ADORA1: variants seen among roughly 807,000 people sequenced by gnomAD.
The protein encoded by ADORA1 is adenosine receptor A1.
Under a neutral mutation model 19.9 loss-of-function variants are expected in ADORA1, and 6 were observed. The observed-to-expected ratio is 0.30, with a 90% CI of 0.17 to 0.59. The LOEUF is 0.59. Among genes scored for constraint, ADORA1 ranks in the 20% least tolerant of loss-of-function variants. The pLI, the probability that ADORA1 is intolerant of heterozygous loss-of-function variation, is 0.87. For synonymous variants in ADORA1, 194 were observed against 188.4 expected (o/e 1.03, Z -0.24); for missense variants, 302 against 439.2 (o/e 0.69, Z 2.79).
rs1654257601 is a variant in ADORA1 at position 203,129,273 on chromosome 1, C to T, written c.341+91C>T. The T allele has an allele frequency of 1.8e-5, 27 of 1,508,698 alleles. No individual in the cohort carries two copies. The South Asian group carries it at 3.1e-4, about 17-fold the overall frequency. The allele number at this position is 1,508,698 out of a possible 1,614,324, so 93.5% of individuals were successfully genotyped here. On this transcript the variant is annotated intron_variant, in intron 3 of 3. Transcript: ENST00000337894. ...AGGAAAAAAGGTAGAGCATAAGACC[C>T]CAAGTAAGCCAGATGTTCTTTGGGC...
rs542059266 is a variant in ADORA1 at position 203,165,254 on chromosome 1, C to T, written c.342-7C>T. On this transcript the variant is annotated splice_polypyrimidine_tract_variant and splice_region_variant and intron_variant, in intron 3 of 3. Coordinates refer to ENST00000337894, the MANE Select transcript of ADORA1 (RefSeq NM_000674.3). This position sits in a 1 kb window ranked among gnomAD's most constrained non-coding sequence, Gnocchi z 5.9. The stretch of plus-strand genomic sequence containing the variant: ...AGATCCTCACACTCTGCCCTCCTCT[C>T]CCCCAGGTACAAGATGGTGGTGACC... 5.7e-6 allele frequency: 9 copies of T among 1,591,526 alleles called. No homozygotes were observed. The South Asian group carries it at 8.0e-5, about 14-fold the overall frequency.
chr1:203,143,515 G>T lies in ADORA1; in HGVS notation c.341+14333G>T, dbSNP rs577192805. On this transcript the variant is annotated intron_variant, in intron 3 of 3. Transcript: ENST00000337894. ...ACAGTGGCTTCAGGTTCTTAGTGGG[G>T]TGTGTGTATTCACATATGCACACCT... Among the ~76,000 whole-genome samples the T allele has an allele frequency of 1.2e-3, 187 of 151,762 alleles. 1 individual carries two copies. Among genetic ancestry groups the T allele is most frequent in the African/African-American group, 4.4e-3 (181 of 41,148 alleles).
chr1:203,146,575 G>T (rs1464047214), intron 3 of ADORA1, among the ~76,000 whole-genome samples: 1 of 151,044 alleles, frequency 6.6e-6, no homozygotes, highest in African/African-American at 2.4e-5. Context: ...GCTACGGTGG[G>T]CCATGAGTGC....
At chr1:203,146,622 G>T (rs1473185275) in intron 3 of ADORA1, among the ~76,000 whole-genome samples, 2 of 137,088 alleles carry the variant, frequency 1.5e-5, no homozygotes, top group Non-Finnish European at 3.2e-5. Flanking sequence ...ATGAAAGCCT[G>T]TCTCAAAAAA....
chr1:203,148,776 C>T (rs1654939847), intron 3 of ADORA1, among the ~76,000 whole-genome samples: 1 of 152,212 alleles, frequency 6.6e-6, no homozygotes, highest in South Asian at 2.1e-4. Context: ...CCCACGTGCC[C>T]TCTGTGCCAC....
intron 3 of ADORA1, chr1:203,150,644 G>A (rs1394340510): frequency 7.8e-7 from 1 of 1,289,714 alleles, no homozygotes; most frequent in East Asian, 5.5e-5. Context: ...CCCAAAAGTG[G>A]TGTCTTCTTG....
At chr1:203,134,786 A>G (rs1182218985) in intron 3 of ADORA1, among the ~76,000 whole-genome samples, 1 of 152,088 alleles carries the variant, frequency 6.6e-6, no homozygotes, top group Admixed American at 6.5e-5. Context: ...GTTCCAGAAA[A>G]TTTTTCCACA....
rs151128165 is a variant in ADORA1 at position 203,137,136 on chromosome 1, G to A, written c.341+7954G>A. ...GGAGAAAGGGTTGCAACTTTAAATAGGGTGGTCCGTGAGGCTTTACTGAGA... is the reference window on the plus strand; with the variant it reads ...GGAGAAAGGGTTGCAACTTTAAATAAGGTGGTCCGTGAGGCTTTACTGAGA... On this transcript the variant is annotated intron_variant, in intron 3 of 3. Transcript: ENST00000337894. 1.7e-3 allele frequency among the ~76,000 whole-genome samples: 263 copies of A among 152,300 alleles called. 2 individuals are homozygous for A. Among genetic ancestry groups the A allele is most frequent in the African/African-American group, 5.8e-3 (239 of 41,556 alleles).
intron 3 of ADORA1, among the ~76,000 whole-genome samples, chr1:203,147,157 T>C (rs1394255237): frequency 1.3e-5 from 2 of 152,212 alleles, no homozygotes; most frequent in East Asian, 1.9e-4. Context: ...CCACAGAACC[T>C]GCTCTTCTTC....
At chr1:203,164,950 T>C (rs1165542378) in intron 3 of ADORA1, 14 of 1,301,656 alleles carry the variant, frequency 1.1e-5, no homozygotes, top group African/African-American at 1.5e-5. Context: ...GCTGAGCACA[T>C]GGGAGCAATT....
intron 3 of ADORA1, among the ~76,000 whole-genome samples, chr1:203,153,398 C>T (rs1410113403): frequency 6.6e-6 from 1 of 152,214 alleles, no homozygotes; most frequent in African/African-American, 2.4e-5. Flanking sequence ...TACTGAGTCA[C>T]ACACAGGAAC....
intron 3 of ADORA1, among the ~76,000 whole-genome samples, chr1:203,148,522 C>T (rs1654931918): frequency 6.6e-6 from 1 of 152,218 alleles, no homozygotes; most frequent in Admixed American, 6.5e-5. Flanking sequence ...TCCTCTAATG[C>T]TGTCACAGTG....
chr1:203,133,818 G>C (rs964449026), intron 3 of ADORA1, among the ~76,000 whole-genome samples: 1 of 152,230 alleles, frequency 6.6e-6, no homozygotes, highest in African/African-American at 2.4e-5. Context: ...GGCGTGCTGA[G>C]CCAGAGTGGG....
intron 3 of ADORA1, among the ~76,000 whole-genome samples, chr1:203,145,296 T>C (rs909581223): frequency 1.3e-5 from 2 of 152,218 alleles, no homozygotes; most frequent in Admixed American, 6.5e-5. Flanking sequence ...TCCCCCAATC[T>C]GCCCAGCACA....
chr1:203,158,022 C>G (rs900824753), intron 3 of ADORA1, among the ~76,000 whole-genome samples: 19 of 152,338 alleles, frequency 1.2e-4, no homozygotes, highest in African/African-American at 4.3e-4. Flanking sequence ...ATATTATTCT[C>G]TTTAGCAAAT....
chr1:203,129,213 C>A, intron 3 of ADORA1, 31 bp downstream of exon 3: 1 of 1,579,748 alleles, frequency 6.3e-7, no homozygotes, highest in South Asian at 1.2e-5. Flanking sequence ...GTACTCGCAG[C>A]ACCACATGAT....
At chr1:203,152,416 G>A (rs1655066718) in intron 3 of ADORA1, 1 of 152,300 alleles carries the variant, frequency 6.6e-6, no homozygotes, top group Admixed American at 6.5e-5. Context: ...GACCAGAGAG[G>A]CCTATGGGAA....
chr1:203,133,116 C>CTT (rs1244047119), intron 3 of ADORA1, among the ~76,000 whole-genome samples: 71 of 140,938 alleles, frequency 5.0e-4, no homozygotes, highest in African/African-American at 1.5e-3. Context: ...ATAGACAATT[C>CTT]TTTTTTTTTT....
At chr1:203,131,266 G>A (rs551982079) in intron 3 of ADORA1, among the ~76,000 whole-genome samples, 2 of 152,212 alleles carry the variant, frequency 1.3e-5, no homozygotes, top group African/African-American at 2.4e-5. Flanking sequence ...GAAGAAACAC[G>A]CACACAAACA....
Sources: gnomAD v4.1 joint callset for allele counts (sites outside exome capture counted in the v4.1 genomes callset) on GRCh38, gnomAD v4.1.1 for gene constraint, Gnocchi (gnomAD v3.1) non-coding constraint, MANE v1.5 for transcripts, NCBI Gene and HGNC (gene_info 2026-07-23, HGNC 2026-07-21) for gene names.